Variants in DPYD observed in about 807,000 individuals in gnomAD.
The protein encoded by DPYD is dihydropyrimidine dehydrogenase [NADP(+)].
DPYD carries 109 observed loss-of-function variants against 116.2 expected under a neutral mutation model. That is an observed-to-expected ratio of 0.94 (90% CI 0.80 to 1.10). The LOEUF is 1.10. Ranked by LOEUF, DPYD falls within the 50% of genes least tolerant of loss-of-function variation. The pLI is 0.00. For missense variants in DPYD, 1,302 were observed against 1,254.5 expected (o/e 1.04, Z -0.57); for synonymous variants, 440 against 432.0 (o/e 1.02, Z -0.23).
intron 3 of DPYD, among the ~76,000 whole-genome samples, chr1:97,743,699 A>G (rs1664390703): frequency 6.6e-6 from 1 of 152,138 alleles, no homozygotes; most frequent in South Asian, 2.1e-4. Context: ...GATTGATACC[A>G]TGAAAAATCA....
chr1:97,441,915 T>A (rs1432280487), intron 14 of DPYD, among the ~76,000 whole-genome samples: 1 of 152,182 alleles, frequency 6.6e-6, no homozygotes, highest in Admixed American at 6.5e-5. Context: ...CTGGGGCTAA[T>A]TATTTCCCAA....
At chr1:97,296,003 T>C (rs1415089191) in intron 18 of DPYD, 1 of 152,504 alleles carries the variant, frequency 6.6e-6, no homozygotes, top group African/African-American at 2.4e-5. Context: ...TGAGAAACAA[T>C]GCAATCAAGG....
intron 2 of DPYD, among the ~76,000 whole-genome samples, chr1:97,835,597 G>C (rs1669732216): frequency 6.6e-6 from 1 of 151,950 alleles, no homozygotes; most frequent in Non-Finnish European, 1.5e-5. Flanking sequence ...GGTCAACAAA[G>C]TTCAGGATAA....
At chr1:97,640,798 C>G (rs1657845657) in intron 8 of DPYD, among the ~76,000 whole-genome samples, 1 of 151,844 alleles carries the variant, frequency 6.6e-6, no homozygotes, top group Non-Finnish European at 1.5e-5. Context: ...AAAAATTTCC[C>G]CTGGGTGAAA....
rs529275433 is a variant in DPYD at position 97,860,257 on chromosome 1, C to T, written c.150+23007G>A. Reference sequence around the variant, plus strand: ...ACCCCAGAGGCTGAGATGGGAGGATCACTTGAGCCCAAGAACAAGACCCTG... The same window carrying T: ...ACCCCAGAGGCTGAGATGGGAGGATTACTTGAGCCCAAGAACAAGACCCTG... On this transcript the variant is annotated intron_variant, in intron 2 of 22. Transcript: ENST00000370192. Among the ~76,000 whole-genome samples, 175 of 152,220 alleles carry T rather than the reference C, an allele frequency of 1.1e-3. 1 individual carries two copies. The highest frequency in any genetic ancestry group is 2.1e-3 in the Non-Finnish European group (145 of 67,996).
chr1:97,740,617 C>A lies in DPYD; in HGVS notation c.234-138G>T, dbSNP rs953890384. On this transcript the variant is annotated intron_variant, in intron 3 of 22. Coordinates refer to ENST00000370192, the MANE Select transcript of DPYD (RefSeq NM_000110.4). ...TTTTTAGGTACAAAACATTTTTAAGCAATAAATACAAAGTTTCTGTGTTTC... is the reference window on the plus strand; with the variant it reads ...TTTTTAGGTACAAAACATTTTTAAGAAATAAATACAAAGTTTCTGTGTTTC... 8 of 734,160 alleles carry A rather than the reference C, an allele frequency of 1.1e-5. 1 individual carries two copies. The highest frequency in any genetic ancestry group is 8.2e-5 in the South Asian group (5 of 60,650). The allele number at this position is 734,160 out of a possible 1,614,324, so 45.5% of individuals were successfully genotyped here.
At chr1:97,181,421 G>T (rs2101799535) in intron 20 of DPYD, among the ~76,000 whole-genome samples, 1 of 152,152 alleles carries the variant, frequency 6.6e-6, no homozygotes, top group African/African-American at 2.4e-5. Flanking sequence ...CCTATTTTAG[G>T]AAGAATGATG....
At chr1:97,112,886 A>C (rs1235485325) in intron 20 of DPYD, among the ~76,000 whole-genome samples, 2 of 152,172 alleles carry the variant, frequency 1.3e-5, no homozygotes, top group Non-Finnish European at 2.9e-5. Flanking sequence ...TCTATTAATA[A>C]ATTCTTGACA....
chr1:97,156,955 A>C (rs1241774467), intron 20 of DPYD, among the ~76,000 whole-genome samples: 1 of 151,720 alleles, frequency 6.6e-6, no homozygotes, highest in African/African-American at 2.4e-5. Context: ...TGATGAGTTC[A>C]TGTCCTTTGT....
intron 1 of DPYD, among the ~76,000 whole-genome samples, chr1:97,901,274 T>C (rs1673355457): frequency 6.6e-6 from 1 of 151,842 alleles, no homozygotes; most frequent in African/African-American, 2.4e-5. Flanking sequence ...CTAATATTAG[T>C]TTCATTTTAA....
intron 20 of DPYD, among the ~76,000 whole-genome samples, chr1:97,139,961 G>A (rs1461691466): frequency 6.6e-6 from 1 of 152,108 alleles, no homozygotes; most frequent in Non-Finnish European, 1.5e-5. Context: ...CTCAAGCCAA[G>A]TGACAGAAGA....
chr1:97,297,110 C>G (rs981308199), intron 18 of DPYD, among the ~76,000 whole-genome samples: 4 of 152,008 alleles, frequency 2.6e-5, no homozygotes, highest in African/African-American at 7.3e-5. Flanking sequence ...ATTTGAAAAC[C>G]ACAGAAATAA....
chr1:97,098,613 G>A lies in DPYD; in HGVS notation c.2642C>T (p.Pro881Leu), dbSNP rs769932607. ...GATTTTCTTGCGCTGTTCCAGATAA[G>A]GTCCAAAACTTGGCAGTTTCTAAAA... ...LMDKKLPSFGPYLEQRKKIIA... is the reference protein window; with the variant it reads ...LMDKKLPSFGLYLEQRKKIIA... The change falls in exon 21 of 23, where the codon CCT becomes CTT. Residue 881 changes from proline to leucine, a missense_variant. Physicochemically the swap from Pro to Leu is moderately conservative, Grantham distance 98. Coordinates refer to ENST00000370192, the MANE Select transcript of DPYD (RefSeq NM_000110.4). 6 of 1,612,802 alleles carry A rather than the reference G, an allele frequency of 3.7e-6. No homozygotes were observed. The highest frequency in any genetic ancestry group is 4.2e-6 in the Non-Finnish European group (5 of 1,179,340).
chr1:97,784,832 CA>C, intron 3 of DPYD, among the ~76,000 whole-genome samples: 1 of 152,220 alleles, frequency 6.6e-6, no homozygotes, highest in African/African-American at 2.4e-5. Flanking sequence ...ATTTTTTATA[CA>C]GTTAAATAGA....
chr1:97,148,247 T>TG (rs1654772973), intron 20 of DPYD, among the ~76,000 whole-genome samples: 4 of 126,612 alleles, frequency 3.2e-5, no homozygotes, highest in African/African-American at 1.4e-4. Context: ...GGTGTGTGTG[T>TG]GTGTGTGGGG....
intron 1 of DPYD, among the ~76,000 whole-genome samples, chr1:97,919,008 T>C (rs1300646005): frequency 6.6e-6 from 1 of 152,208 alleles, no homozygotes; most frequent in African/African-American, 2.4e-5. Context: ...AAAAATGAAC[T>C]TTGGTAAATC....
intron 8 of DPYD, among the ~76,000 whole-genome samples, chr1:97,614,636 C>A (rs1017543941): frequency 1.3e-5 from 2 of 152,030 alleles, no homozygotes; most frequent in African/African-American, 4.8e-5. Flanking sequence ...GGAAGCATCA[C>A]GACTACTCAC....
intron 3 of DPYD, among the ~76,000 whole-genome samples, chr1:97,813,981 A>G (rs1668457002): frequency 6.6e-6 from 1 of 151,572 alleles, no homozygotes; most frequent in Non-Finnish European, 1.5e-5. Flanking sequence ...AGAGGTAATG[A>G]GTTCTGCAAG....
chr1:97,151,284 G>T (rs993151487), intron 20 of DPYD, among the ~76,000 whole-genome samples: 1 of 152,136 alleles, frequency 6.6e-6, no homozygotes, highest in Admixed American at 6.6e-5. Flanking sequence ...GAGCTCTTTT[G>T]ATTCTTTACA....
Sources: gnomAD v4.1 joint callset for allele counts (sites outside exome capture counted in the v4.1 genomes callset) on GRCh38, gnomAD v4.1.1 for gene constraint, MANE v1.5 for transcripts, NCBI Gene and HGNC (gene_info 2026-07-23, HGNC 2026-07-21) for gene names.